Variants in ZNF229 observed in about 807,000 individuals in gnomAD.
ZNF229 encodes zinc finger protein 229.
ZNF229 carries 10 observed loss-of-function variants against 11.8 expected under a neutral mutation model. The ratio of observed to expected loss-of-function variants is 0.85; its 90% CI spans 0.52 to 1.44. The LOEUF is 1.44. Ranked by LOEUF, ZNF229 falls within the 40% of genes most tolerant of loss-of-function variation. ZNF229 has a pLI of 0.00. For missense variants in ZNF229, 1,045 were observed against 1,015.1 expected (o/e 1.03, Z -0.40); for synonymous variants, 368 against 374.8 (o/e 0.98, Z 0.21).
chr19:44,439,115 C>A (rs1250681544), intron 4 of ZNF229, among the ~76,000 whole-genome samples: 3 of 152,060 alleles, frequency 2.0e-5, no homozygotes, highest in South Asian at 4.2e-4. Flanking sequence ...AGAATTGAAC[C>A]GAAGGGCACC....
intron 2 of ZNF229, among the ~76,000 whole-genome samples, chr19:44,446,103 G>T (rs1971999318): frequency 6.6e-6 from 1 of 152,290 alleles, no homozygotes; most frequent in Admixed American, 6.5e-5. Flanking sequence ...TCACATTGGG[G>T]GAGAAAGAGG....
intron 4 of ZNF229, among the ~76,000 whole-genome samples, chr19:44,433,181 C>T (rs1316471991): frequency 6.6e-6 from 1 of 152,058 alleles, no homozygotes; most frequent in Non-Finnish European, 1.5e-5. Context: ...ACTCAACCTC[C>T]CAAGTAGCTA....
chr19:44,426,462 C>T lies in ZNF229; in HGVS notation c.*1841G>A, dbSNP rs923688851. 2 of 152,092 alleles carry T rather than the reference C, an allele frequency of 1.3e-5. No homozygotes were observed. The highest frequency in any genetic ancestry group is 2.9e-5 in the Non-Finnish European group (2 of 68,026). The allele number at this position is 152,092 out of a possible 1,614,324, so 9.4% of individuals were successfully genotyped here. ...CTCCCACATCTTTTTTTCTCTGTTGCTCTAAACATACACACAGAAAAACAT... is the reference window on the plus strand; with the variant it reads ...CTCCCACATCTTTTTTTCTCTGTTGTTCTAAACATACACACAGAAAAACAT... On this transcript the variant is annotated 3_prime_UTR_variant, in exon 6 of 6. Coordinates refer to ENST00000614049, the MANE Select transcript of ZNF229 (RefSeq NM_014518.4).
At position 44,429,879 on chromosome 19, in the gene ZNF229, C is replaced by A. The variant is rs774313445; in HGVS notation, c.902G>T (p.Gly301Val). ...KLCQYDEFSEGLRHSAHLNRH... is the reference protein window; with the variant it reads ...KLCQYDEFSEVLRHSAHLNRH... ...GTTAAGATGGGCACTGTGCCTCAAG[C>A]CCTCACTAAACTCATCATATTGACA... The change falls in exon 6 of 6, where the codon GGC (glycine) becomes GTC (valine). Residue 301 changes from glycine to valine, a missense_variant. Coordinates refer to ENST00000614049, the MANE Select transcript of ZNF229 (RefSeq NM_014518.4). 1 of 1,613,904 alleles carries A rather than the reference C, an allele frequency of 6.2e-7. No homozygotes were observed. Among genetic ancestry groups the A allele is most frequent in the Non-Finnish European group, 8.5e-7 (1 of 1,179,994 alleles).
intron 4 of ZNF229, among the ~76,000 whole-genome samples, chr19:44,439,771 A>G (rs1019915618): frequency 1.3e-5 from 2 of 152,182 alleles, no homozygotes; most frequent in African/African-American, 2.4e-5. Context: ...AGAAGGTAAC[A>G]TATATTTTCA....
chr19:44,444,571 C>T (rs1971973733), intron 2 of ZNF229, among the ~76,000 whole-genome samples: 1 of 152,218 alleles, frequency 6.6e-6, no homozygotes, highest in Admixed American at 6.5e-5. Flanking sequence ...CACTTAAACT[C>T]AAACTTCAGG....
chr19:44,441,654 CTA>C (rs1263588374), intron 4 of ZNF229, among the ~76,000 whole-genome samples: 8 of 151,992 alleles, frequency 5.3e-5, no homozygotes, highest in African/African-American at 1.9e-4. Flanking sequence ...ATCCATATCA[CTA>C]TATGTGTGTG....
chr19:44,433,374 T>C (rs772651650), intron 4 of ZNF229, among the ~76,000 whole-genome samples: 13 of 151,990 alleles, frequency 8.6e-5, no homozygotes, highest in East Asian at 1.9e-4. Context: ...CCCACTGATA[T>C]AGTTTGGGTA....
Position 44,429,829 on chromosome 19 carries a change from C to T in ZNF229, c.952G>A (p.Glu318Lys), listed in dbSNP as rs745979834. 1.2e-6 allele frequency: 2 copies of T among 1,614,042 alleles called. No homozygotes were observed. The highest frequency in any genetic ancestry group is 3.3e-5 in the Admixed American group (2 of 60,034). ...LNRHQRVPTG[E>K]KSVKSLERGR... Reference sequence around the variant, plus strand: ...CGCTCAAGACTCTTAACAGATTTCTCTCCTGTGGGAACTCTTTGATGTCTG... The same window carrying T: ...CGCTCAAGACTCTTAACAGATTTCTTTCCTGTGGGAACTCTTTGATGTCTG... The change falls in exon 6 of 6, where the codon GAG becomes AAG. Residue 318 changes from glutamate to lysine, a missense_variant. Coordinates refer to ENST00000614049, the MANE Select transcript of ZNF229 (RefSeq NM_014518.4).
rs1238985987 is a variant in ZNF229 at position 44,430,032 on chromosome 19, A to G, written c.749T>C (p.Ile250Thr). The change falls in exon 6 of 6, where the codon ATT becomes ACT. Residue 250 changes from isoleucine to threonine, a missense_variant. Transcript: ENST00000614049. ...AATGCGATGAAGTACAGAGTTTTTA[A>G]TGCAGTCTTTTCTGCATTTATTGCA... ...CGCNKCRKDC[I>T]KNSVLHRINP... 1 of 1,614,110 alleles carries G rather than the reference A, an allele frequency of 6.2e-7. No homozygotes were observed. Among genetic ancestry groups the G allele is most frequent in the Non-Finnish European group, 8.5e-7 (1 of 1,180,028 alleles).
chr19:44,437,191 C>T (rs1322687395), intron 4 of ZNF229, among the ~76,000 whole-genome samples: 2 of 152,028 alleles, frequency 1.3e-5, no homozygotes, highest in African/African-American at 4.8e-5. Flanking sequence ...TATTAAAGAG[C>T]CATTTAGATG....
At chr19:44,435,982 A>G (rs1190786067) in intron 4 of ZNF229, among the ~76,000 whole-genome samples, 3 of 152,224 alleles carry the variant, frequency 2.0e-5, no homozygotes, top group Non-Finnish European at 4.4e-5. Flanking sequence ...ACTGAAGGGT[A>G]GTTTACAGTG....
chr19:44,429,764 G>A lies in ZNF229; in HGVS notation c.1017C>T (p.His339=), dbSNP rs766114254. The change falls in exon 6 of 6, where the codon CAC becomes CAT. Residue 339 remains histidine (H), a synonymous_variant. Transcript: ENST00000614049. Reference sequence around the variant, plus strand: ...GCATGTCTCCCACAGGGGCTCTGGGGTGGTTACGTATGTGCGTGTTCTGTC... The same window carrying A: ...GCATGTCTCCCACAGGGGCTCTGGGATGGTTACGTATGTGCGTGTTCTGTC... The part of the protein sequence containing the change: ...GVRQNTHIRN[H]PRAPVGDMPY... The A allele has an allele frequency of 1.2e-6, 2 of 1,613,976 alleles. No homozygotes were observed. Among genetic ancestry groups the A allele is most frequent in the African/African-American group, 1.3e-5 (1 of 74,864 alleles).
intron 4 of ZNF229, among the ~76,000 whole-genome samples, chr19:44,437,793 T>C (rs1416265297): frequency 1.3e-5 from 2 of 152,040 alleles, no homozygotes; most frequent in Non-Finnish European, 2.9e-5. Context: ...AGCCATAAAA[T>C]AGAATGAGAT....
At position 44,428,779 on chromosome 19, in the gene ZNF229, T is replaced by G. The variant is rs1278122781; in HGVS notation, c.2002A>C (p.Thr668Pro). The change falls in exon 6 of 6, where the codon ACA (threonine) becomes CCA (proline). Residue 668 changes from threonine (T) to proline (P), a missense_variant. Coordinates refer to ENST00000614049, the MANE Select transcript of ZNF229 (RefSeq NM_014518.4). ...CGCTGATGTTTGTGAAGGCTTGATG[T>G]GCACCTAAAGCCCTTTCCGCACTCT... ...CQECGKGFRC[T>P]SSLHKHQRVH... 4.3e-6 allele frequency: 7 copies of G among 1,613,260 alleles called. No individual in the cohort carries two copies. Among genetic ancestry groups the G allele is most frequent in the Non-Finnish European group, 2.5e-6 (3 of 1,179,490 alleles).
Position 44,444,491 on chromosome 19 carries a change from C to T in ZNF229, c.-177-1467G>A, listed in dbSNP as rs759800874. On this transcript the variant is annotated intron_variant, in intron 2 of 5. Transcript: ENST00000614049. ...CAGGTGTGGACAACCAGGCAACACG[C>T]TACCCTCCTACACAAAGGACAAAGG... Among the ~76,000 whole-genome samples the T allele has an allele frequency of 5.9e-4, 90 of 152,316 alleles. 1 individual carries two copies. The highest frequency in any genetic ancestry group is 5.8e-4 in the East Asian group (3 of 5,184).
At position 44,428,796 on chromosome 19, in the gene ZNF229, C is replaced by T; in HGVS notation, c.1985G>A (p.Gly662Glu). 6.2e-7 allele frequency: 1 copy of T among 1,613,400 alleles called. No individual in the cohort carries two copies. Among genetic ancestry groups the T allele is most frequent in the Non-Finnish European group, 8.5e-7 (1 of 1,179,542 alleles). ...GCTTGATGTGCACCTAAAGCCCTTT[C>T]CGCACTCTTGGCATCTGTAAGGTTT... ...GEKPYRCQEC[G>E]KGFRCTSSLH... The change falls in exon 6 of 6, where the codon GGA (glycine) becomes GAA (glutamate). Residue 662 changes from glycine (G) to glutamate (E), a missense_variant. Physicochemically the swap from Gly to Glu is moderately conservative, Grantham distance 98 (BLOSUM62 -2). Transcript: ENST00000614049.
At chr19:44,435,946 T>G (rs970119026) in intron 4 of ZNF229, among the ~76,000 whole-genome samples, 7 of 152,224 alleles carry the variant, frequency 4.6e-5, no homozygotes, top group African/African-American at 1.7e-4. Context: ...ATTTTGGTCT[T>G]TCCCAAAAGC....
intron 4 of ZNF229, among the ~76,000 whole-genome samples, chr19:44,440,490 A>G (rs1971889358): frequency 6.6e-6 from 1 of 152,274 alleles, no homozygotes; most frequent in African/African-American, 2.4e-5. Context: ...AGCAAGGAAA[A>G]TAAAGTGTGA....
Sources: allele counts gnomAD v4.1 joint callset (sites outside exome capture counted in the v4.1 genomes callset), GRCh38; gene constraint gnomAD v4.1.1; transcripts MANE v1.5; gene names NCBI Gene and HGNC (gene_info 2026-07-23, HGNC 2026-07-21).